The following ADGRG7 variants were observed in gnomAD, a reference collection of about 807,000 sequenced individuals.
ADGRG7 encodes adhesion G protein-coupled receptor G7.
ADGRG7 carries 82 observed loss-of-function variants against 88.6 expected under a neutral mutation model. The observed-to-expected ratio is 0.93, with a 90% confidence interval of 0.77 to 1.11. ADGRG7 has a LOEUF of 1.11. Ranked by LOEUF, ADGRG7 falls within the 50% of genes most tolerant of loss-of-function variation. The pLI, the probability that ADGRG7 is intolerant of heterozygous loss-of-function variation, is 0.00. For missense variants in ADGRG7, 945 were observed against 953.4 expected (o/e 0.99, Z 0.12); for synonymous variants, 381 against 345.2 (o/e 1.10, Z -1.15).
chr3:100,694,481 C>T (rs771478337), intron 15 of ADGRG7, among the ~76,000 whole-genome samples: 42 of 152,200 alleles, frequency 2.8e-4, no homozygotes, highest in Non-Finnish European at 5.3e-4. Context: ...AGCAAATTTA[C>T]ACAGCCAGCT....
intron 14 of ADGRG7, among the ~76,000 whole-genome samples, chr3:100,663,297 T>A (rs1185983): frequency 0.9 from 136,998 of 152,150 alleles, 62,923 homozygotes; most frequent in Non-Finnish European, 1. Flanking sequence ...ACCAGGTGAA[T>A]CAAAACCTAA....
intron 2 of ADGRG7, 84 bp from the exon 3 acceptor site, chr3:100,630,621 A>C: frequency 1.8e-6 from 1 of 541,450 alleles, no homozygotes; most frequent in East Asian, 3.5e-5. Flanking sequence ...ATTTCACTGC[A>C]TAGGTTCTGA....
chr3:100,637,909 C>T (rs897872530), intron 6 of ADGRG7, among the ~76,000 whole-genome samples: 1 of 152,218 alleles, frequency 6.6e-6, no homozygotes, highest in African/African-American at 2.4e-5. Flanking sequence ...TCAGCCCACC[C>T]CACTCAACCC....
chr3:100,623,014 C>T (rs941677885), intron 1 of ADGRG7, among the ~76,000 whole-genome samples: 20 of 151,830 alleles, frequency 1.3e-4, no homozygotes, highest in Non-Finnish European at 1.6e-4. Context: ...TCCATCATCT[C>T]GGTCTCCCAA....
rs1483267786 is a variant in ADGRG7, at chr3:100,643,547, C to G, written c.860C>G (p.Ser287Cys). 6.2e-7 allele frequency: 1 copy of G among 1,613,626 alleles called. No homozygotes were observed. Among genetic ancestry groups the G allele is most frequent in the African/African-American group, 1.3e-5 (1 of 75,032 alleles). Residue 287 changes from serine (S) to cysteine (C), a missense_variant, in exon 8 of 16, where the codon TCT becomes TGT. Coordinates refer to ENST00000273352, the MANE Select transcript of ADGRG7 (RefSeq NM_032787.3). ...VQKGASSSLV[S>C]SSTFIHTNVD... ...ATAGGAGCTAGCAGTTCTCTAGTTTCTAGTTCAACATTTATACATACAAAT... is the reference window on the plus strand; with the variant it reads ...ATAGGAGCTAGCAGTTCTCTAGTTTGTAGTTCAACATTTATACATACAAAT...
At chr3:100,633,447 T>C (rs759016848) in intron 4 of ADGRG7, 70 bp downstream of exon 4, 6 of 715,564 alleles carry the variant, frequency 8.4e-6, no homozygotes, top group Non-Finnish European at 1.1e-5. Context: ...GTTCTTCAGA[T>C]ACCTGATGGT....
chr3:100,611,013 A>G (rs1707140445), intron 1 of ADGRG7, among the ~76,000 whole-genome samples: 1 of 152,196 alleles, frequency 6.6e-6, no homozygotes, highest in Admixed American at 6.5e-5. Context: ...CCTAACCAGT[A>G]TTTAGAGAAT....
chr3:100,616,640 A>T lies in ADGRG7; in HGVS notation c.115+6669A>T, dbSNP rs143091924. Among the ~76,000 whole-genome samples, 427 of 152,268 alleles carry T rather than the reference A, an allele frequency of 2.8e-3. 2 individuals are homozygous for T. The highest frequency in any genetic ancestry group is 9.9e-3 in the African/African-American group (413 of 41,554). On this transcript the variant is annotated intron_variant, in intron 1 of 15. Transcript: ENST00000273352. ...AGCCTTGGCAACGTAGCAAGACCTC[A>T]TCTCTGCAAAACACAAAATATTATT...
chr3:100,619,317 T>G (rs1707274452), intron 1 of ADGRG7, among the ~76,000 whole-genome samples: 1 of 152,080 alleles, frequency 6.6e-6, no homozygotes, highest in Non-Finnish European at 1.5e-5. Flanking sequence ...ACTGGGTAAA[T>G]AATGAAATGA....
At chr3:100,669,973 G>A (rs2094956404) in intron 15 of ADGRG7, among the ~76,000 whole-genome samples, 1 of 152,048 alleles carries the variant, frequency 6.6e-6, no homozygotes, top group Admixed American at 6.6e-5. Flanking sequence ...GGGAGGTGGA[G>A]GTTGCAGTGA....
intron 1 of ADGRG7, 82 bp downstream of exon 1, chr3:100,610,053 G>A (rs1020286565): frequency 2.7e-6 from 3 of 1,128,690 alleles, no homozygotes; most frequent in East Asian, 2.4e-5. Context: ...ACAAGTACTG[G>A]GAGGTACCTT....
chr3:100,654,067 C>T (rs1349830448), intron 11 of ADGRG7: 1 of 152,102 alleles, frequency 6.6e-6, no homozygotes, highest in Non-Finnish European at 1.5e-5. Context: ...AGATTGAATC[C>T]ACGGATACCT....
intron 15 of ADGRG7, among the ~76,000 whole-genome samples, chr3:100,671,581 T>A (rs970410037): frequency 6.6e-6 from 1 of 152,246 alleles, no homozygotes; most frequent in Non-Finnish European, 1.5e-5. Flanking sequence ...TTGTCAATTT[T>A]GGCTTTTGTT....
Position 100,655,167 on chromosome 3 carries a change from C to T in ADGRG7, c.1712C>T (p.Ser571Leu). The change falls in exon 12 of 16, where the codon TCA (serine) becomes TTA (leucine). Residue 571 changes from serine to leucine, a missense_variant. Ser to Leu is a moderately radical substitution (Grantham distance 145). Coordinates refer to ENST00000273352, the MANE Select transcript of ADGRG7 (RefSeq NM_032787.3). ...PLPRHFILFISLIGWGVPAIV... is the reference protein window; with the variant it reads ...PLPRHFILFILLIGWGVPAIV... ...CCTCGGCATTTCATTCTTTTCATCT[C>T]ATTAATTGGATGGGGTAAGTGTTTG... 6.2e-7 allele frequency: 1 copy of T among 1,604,968 alleles called. No homozygotes were observed.
chr3:100,655,878 G>A lies in ADGRG7; in HGVS notation c.1727-21G>A, dbSNP rs373405420. 3.9e-6 allele frequency: 5 copies of A among 1,281,274 alleles called. No individual in the cohort carries two copies. The African/African-American group carries it at 4.3e-5, about 11-fold the overall frequency. The allele number at this position is 1,281,274 out of a possible 1,614,324, so 79.4% of individuals were successfully genotyped here. A position where few individuals can be genotyped will look rare whatever the true frequency, so the allele number is the denominator to read the frequency against. On this transcript the variant is annotated intron_variant, in intron 12 of 15. Coordinates refer to ENST00000273352, the MANE Select transcript of ADGRG7 (RefSeq NM_032787.3). ...CAAGTCTGGATAAATCATTAATTAT[G>A]TGCCTCTCTTTATCACATAGGAGTC... is the stretch of plus-strand genomic sequence containing the variant.
intron 3 of ADGRG7, among the ~76,000 whole-genome samples, chr3:100,631,879 C>T (rs760497656): frequency 2.0e-5 from 3 of 152,016 alleles, no homozygotes; most frequent in Non-Finnish European, 4.4e-5. Context: ...TCTTGCATTG[C>T]TATAAAGAAA....
At chr3:100,611,677 T>C (rs928292814) in intron 1 of ADGRG7, among the ~76,000 whole-genome samples, 1 of 152,216 alleles carries the variant, frequency 6.6e-6, no homozygotes, top group African/African-American at 2.4e-5. Context: ...CATATTTCAA[T>C]TGGCTGTTTA....
rs2094926476 is a variant in ADGRG7, at chr3:100,649,771, G to C, written c.1343G>C (p.Gly448Ala). ...SNVGCALSVT[G>A]LALTVIFQIV... ...GTTGGATGTGCACTGTCTGTTACTG[G>C]TCTGGCTCTCACAGTTATATTTCAG... The change falls in exon 11 of 16, where the codon GGT becomes GCT. Residue 448 changes from glycine to alanine, a missense_variant. Coordinates refer to ENST00000273352, the MANE Select transcript of ADGRG7 (RefSeq NM_032787.3). 6.2e-7 allele frequency: 1 copy of C among 1,609,444 alleles called. No individual in the cohort carries two copies. Among genetic ancestry groups the C allele is most frequent in the African/African-American group, 1.3e-5 (1 of 74,818 alleles).
rs184202212 is a variant in ADGRG7 at position 100,669,172 on chromosome 3, G to C, written c.2136+67G>C. On this transcript the variant is annotated intron_variant, in intron 15 of 15. Coordinates refer to ENST00000273352, the MANE Select transcript of ADGRG7 (RefSeq NM_032787.3). Reference sequence around the variant, plus strand: ...GTGGAGATATCATCTTGATATCTTAGTTACCTTTAAGAGACTATTTTAAAA... The same window carrying C: ...GTGGAGATATCATCTTGATATCTTACTTACCTTTAAGAGACTATTTTAAAA... The C allele has an allele frequency of 3.1e-6, 4 of 1,277,212 alleles. No homozygotes were observed. The African/African-American group carries it at 6.1e-5, about 20-fold the overall frequency. 79.1% of individuals were successfully genotyped at this position (1,277,212 alleles called of 1,614,324 possible).
Sources: gnomAD v4.1 joint callset for allele counts (sites outside exome capture counted in the v4.1 genomes callset) on GRCh38, gnomAD v4.1.1 for gene constraint, MANE v1.5 for transcripts, NCBI Gene and HGNC (gene_info 2026-07-23, HGNC 2026-07-21) for gene names.